Variants in FMN1 observed in about 807,000 individuals in gnomAD.
FMN1 encodes formin-1.
In FMN1, 110 loss-of-function variants were observed where a neutral mutation model predicts 132.4. The ratio of observed to expected loss-of-function variants is 0.83; its 90% CI spans 0.71 to 0.97. The LOEUF (loss-of-function observed/expected upper bound fraction) is 0.97. Among genes scored for constraint, FMN1 ranks in the 50% least tolerant of loss-of-function variants. The pLI is 0.00. For missense variants in FMN1, 1,792 were observed against 1,705.3 expected, an observed-to-expected ratio of 1.05 and a Z score of -0.90; for synonymous variants, 722 against 651.7, an observed-to-expected ratio of 1.11 and a Z score of -1.64.
intron 10 of FMN1, among the ~76,000 whole-genome samples, chr15:32,919,162 G>T (rs1276907427): frequency 6.6e-6 from 1 of 151,834 alleles, no homozygotes; most frequent in South Asian, 2.1e-4. Context: ...TGTGATGGGG[G>T]GGGTATTAAA....
intron 5 of FMN1, among the ~76,000 whole-genome samples, chr15:33,072,223 C>T (rs2038026267): frequency 6.6e-6 from 1 of 152,148 alleles, no homozygotes. Context: ...ATGGGTTCAC[C>T]TATACAATAT....
chr15:33,135,342 T>G (rs1280665754), intron 4 of FMN1, among the ~76,000 whole-genome samples: 1 of 152,202 alleles, frequency 6.6e-6, no homozygotes, highest in Non-Finnish European at 1.5e-5. Context: ...AAATGTGCCC[T>G]TAGAAATAAA....
At chr15:33,129,085 A>G (rs1297858529) in intron 4 of FMN1, among the ~76,000 whole-genome samples, 1 of 152,190 alleles carries the variant, frequency 6.6e-6, no homozygotes, top group African/African-American at 2.4e-5. Flanking sequence ...TCCTCTAGCT[A>G]GGCAGAAAAG....
chr15:32,775,773 T>C (rs2056396994), intron 20 of FMN1, among the ~76,000 whole-genome samples: 1 of 152,160 alleles, frequency 6.6e-6, no homozygotes, highest in Admixed American at 6.5e-5. Context: ...ACAGAAATAA[T>C]CTCACTTTGT....
intron 7 of FMN1, among the ~76,000 whole-genome samples, chr15:32,977,424 T>TTCA (rs2032299167): frequency 6.6e-6 from 1 of 152,218 alleles, no homozygotes; most frequent in Admixed American, 6.5e-5. Context: ...GAAAAAGATA[T>TTCA]GGAATGATTA....
At chr15:32,935,210 T>C (rs1026950863) in intron 9 of FMN1, among the ~76,000 whole-genome samples, 4 of 151,874 alleles carry the variant, frequency 2.6e-5, no homozygotes, top group African/African-American at 9.7e-5. Flanking sequence ...CGTGAGCCAC[T>C]GCACCCAGCC....
At chr15:32,996,809 A>G (rs1190607243) in intron 7 of FMN1, among the ~76,000 whole-genome samples, 1 of 152,152 alleles carries the variant, frequency 6.6e-6, no homozygotes, top group Non-Finnish European at 1.5e-5. Flanking sequence ...AGCAACTAGT[A>G]CCATTTATCA....
intron 4 of FMN1, among the ~76,000 whole-genome samples, chr15:33,103,964 C>T (rs1010246622): frequency 1.3e-5 from 2 of 151,936 alleles, no homozygotes; most frequent in South Asian, 4.1e-4. Context: ...ATTTAAAATG[C>T]AAGTCAGAAG....
chr15:33,156,518 G>C (rs550166544), intron 3 of FMN1, among the ~76,000 whole-genome samples: 26 of 151,260 alleles, frequency 1.7e-4, no homozygotes, highest in African/African-American at 6.1e-4. Flanking sequence ...TGGAAATCTT[G>C]GACTCAAGCG....
At position 33,068,272 on chromosome 15, in the gene FMN1, G is replaced by A. The variant is rs542044270; in HGVS notation, c.2044-3198C>T. 1.4e-4 allele frequency: 25 copies of A among 179,956 alleles called. No individual in the cohort carries two copies. The East Asian group carries it at 2.9e-3, about 21-fold the overall frequency. The allele number at this position is 179,956 out of a possible 1,614,324, so 11.1% of individuals were successfully genotyped here. A position where few individuals can be genotyped will look rare whatever the true frequency, so the allele number is the denominator to read the frequency against. Reference sequence around the variant, plus strand: ...AACCCAGGACTTCACGAGGAGCTCCGCCCCAGGCCGGCGGTTCTCCTGGTG... The same window carrying A: ...AACCCAGGACTTCACGAGGAGCTCCACCCCAGGCCGGCGGTTCTCCTGGTG... On this transcript the variant is annotated intron_variant, in intron 5 of 20. Coordinates refer to ENST00000616417, the MANE Select transcript of FMN1 (RefSeq NM_001277313.2).
At chr15:33,068,307 T>A (rs760425145) in intron 5 of FMN1, 1 of 176,100 alleles carries the variant, frequency 5.7e-6, no homozygotes. Flanking sequence ...GGCATTCAAC[T>A]TCCTCATTGG....
chr15:33,123,567 AG>A (rs1962767243), intron 4 of FMN1, among the ~76,000 whole-genome samples: 1 of 152,228 alleles, frequency 6.6e-6, no homozygotes, highest in Admixed American at 6.5e-5. Flanking sequence ...AAGAATATTG[AG>A]GAAAAATTAA....
chr15:33,164,131 A>G (rs1159023443), intron 3 of FMN1, among the ~76,000 whole-genome samples: 1 of 152,212 alleles, frequency 6.6e-6, no homozygotes, highest in Non-Finnish European at 1.5e-5. Flanking sequence ...AGACTAAGGA[A>G]AAAAGATTAT....
intron 7 of FMN1, among the ~76,000 whole-genome samples, chr15:32,999,058 G>A (rs145062851): frequency 6.6e-6 from 1 of 152,262 alleles, no homozygotes; most frequent in Admixed American, 6.5e-5. Flanking sequence ...CTAAAATGAT[G>A]AATTAACATA....
At chr15:33,047,876 T>TA (rs1174310882) in intron 6 of FMN1, among the ~76,000 whole-genome samples, 6 of 151,650 alleles carry the variant, frequency 4.0e-5, no homozygotes, top group South Asian at 2.1e-4. Context: ...GTAATCCAAT[T>TA]AAAAAAAAAC....
intron 15 of FMN1, among the ~76,000 whole-genome samples, chr15:32,894,782 TA>T (rs36138638): frequency 0.043 from 6,073 of 140,900 alleles, 298 homozygotes; most frequent in African/African-American, 0.12. Flanking sequence ...AGAAGACAGT[TA>T]AAAAAAAAAA....
At chr15:33,002,183 T>C (rs2034156636) in intron 7 of FMN1, among the ~76,000 whole-genome samples, 1 of 152,228 alleles carries the variant, frequency 6.6e-6, no homozygotes, top group African/African-American at 2.4e-5. Flanking sequence ...TGAGTCACTT[T>C]TTCTTTTGTA....
chr15:32,883,705 A>G (rs1168601698), intron 16 of FMN1, among the ~76,000 whole-genome samples: 1 of 152,020 alleles, frequency 6.6e-6, no homozygotes, highest in Non-Finnish European at 1.5e-5. Flanking sequence ...TTTCTTCTTA[A>G]AGTACCTTTT....
At chr15:33,089,034 G>T in intron 4 of FMN1, 60 bp from the exon 5 acceptor site, 3 of 1,408,722 alleles carry the variant, frequency 2.1e-6, no homozygotes, top group Admixed American at 2.4e-5. Flanking sequence ...AATAAATAAA[G>T]CCATATTTGG....
Sources: gnomAD v4.1 joint callset for allele counts (sites outside exome capture counted in the v4.1 genomes callset) on GRCh38, gnomAD v4.1.1 for gene constraint, MANE v1.5 for transcripts, NCBI Gene and HGNC (gene_info 2026-07-23, HGNC 2026-07-21) for gene names.